Variants in INCENP observed in about 807,000 individuals in gnomAD.
INCENP encodes binds and activates aurora-B and -C in vivo and in vitro.
In INCENP, 43 loss-of-function variants were observed where a neutral mutation model predicts 107.3. The observed-to-expected ratio is 0.40, with a 90% CI of 0.31 to 0.52. The LOEUF (loss-of-function observed/expected upper bound fraction) is 0.52, where lower values mean the gene tolerates loss of function less well. Ranked by LOEUF, INCENP falls within the 20% of genes least tolerant of loss-of-function variation. INCENP has a pLI of 0.53. For synonymous variants in INCENP, 488 were observed against 494.4 expected (o/e 0.99, Z 0.17); for missense variants, 1,089 against 1,250.9 (o/e 0.87, Z 1.95).
intron 8 of INCENP, among the ~76,000 whole-genome samples, 186 bp downstream of exon 8, chr11:62,140,471 T>G (rs1565097366): frequency 6.6e-6 from 1 of 152,186 alleles, no homozygotes; most frequent in Non-Finnish European, 1.5e-5. Context: ...AACCTGGGAA[T>G]AGGGCGACCC....
intron 4 of INCENP, among the ~76,000 whole-genome samples, chr11:62,135,080 G>A (rs1420428920): frequency 6.6e-6 from 1 of 152,058 alleles, no homozygotes; most frequent in African/African-American, 2.4e-5. Flanking sequence ...AGAACATCTG[G>A]CCTCACATAG....
Position 62,148,818 on chromosome 11 carries a change from A to G in INCENP, c.2363A>G (p.Lys788Arg), listed in dbSNP as rs540011704. The G allele has an allele frequency of 2.5e-6, 4 of 1,607,686 alleles. No individual in the cohort carries two copies. In the South Asian group the frequency reaches 4.4e-5, roughly 18 times the overall value. ...KKAKEAAGASKALNVTVDVQS... is the reference protein window; with the variant it reads ...KKAKEAAGASRALNVTVDVQS... The stretch of plus-strand genomic sequence containing the variant: ...GCCAAGGAGGCAGCAGGGGCCAGCA[A>G]GGCCCTGAATGTGACTGTGGACGTG... Residue 788 changes from lysine to arginine, a missense_variant, in exon 17 of 19, where the codon AAG becomes AGG. Lys to Arg is a conservative substitution (Grantham distance 26). Transcript: ENST00000394818.
In INCENP at chr11:62,140,744, G is replaced by A. The variant is rs770503094; in HGVS notation, c.1384G>A (p.Glu462Lys). ...SYKQAVSELDEEQHLEDEELQ... is the reference protein window; with the variant it reads ...SYKQAVSELDKEQHLEDEELQ... ...CAAGCAGGCCGTGAGTGAGCTGGAC[G>A]AGGAGCAGCACCTGGAGGATGAGGA... Residue 462 changes from glutamate to lysine, a missense_variant, in exon 9 of 19, where the codon GAG becomes AAG. Glu to Lys is a moderately conservative substitution (Grantham distance 56, BLOSUM62 1). Coordinates refer to ENST00000394818, the MANE Select transcript of INCENP (RefSeq NM_001040694.2). The A allele has an allele frequency of 1.2e-5, 20 of 1,602,990 alleles. No homozygotes were observed. The highest frequency in any genetic ancestry group is 2.1e-4 in the Middle Eastern group (1 of 4,774).
intron 3 of INCENP, 150 bp downstream of exon 3, chr11:62,129,033 TGA>T (rs1943820274): frequency 6.4e-6 from 4 of 625,174 alleles, no homozygotes; most frequent in Non-Finnish European, 1.1e-5. Context: ...TGGGCCATGC[TGA>T]GAGGGGTTGG....
chr11:62,137,778 T>G, intron 4 of INCENP, 54 bp from the exon 5 acceptor site: 1 of 1,549,790 alleles, frequency 6.5e-7, no homozygotes, highest in Non-Finnish European at 8.9e-7. Flanking sequence ...CCCCTTAGAG[T>G]GGGACCTGTG....
rs1309786339 is a variant in INCENP at position 62,148,489 on chromosome 11, C to T, written c.2218C>T (p.Arg740Trp). The T allele has an allele frequency of 5.0e-6, 8 of 1,604,728 alleles. No individual in the cohort carries two copies. In the East Asian group the frequency reaches 6.7e-5, roughly 14 times the overall value. Reference protein sequence around the residue: ...RLQAERELQEREKALRLQKEQ... With the variant: ...RLQAERELQEWEKALRLQKEQ... ...CTGGGTCCTCAGGGAGCTGCAGGAG[C>T]GGGAGAAGGCCCTGCGGCTGCAGAA... The change falls in exon 16 of 19, where the codon CGG becomes TGG. Residue 740 changes from arginine (R) to tryptophan (W), a missense_variant. Transcript: ENST00000394818.
At chr11:62,145,848 G>C in intron 14 of INCENP, 97 bp downstream of exon 14, 2 of 1,368,668 alleles carry the variant, frequency 1.5e-6, no homozygotes, top group Non-Finnish European at 2.0e-6. Context: ...TTGTGGGGTT[G>C]ACCCAGACCA....
chr11:62,142,581 A>G (rs558447102), intron 11 of INCENP, among the ~76,000 whole-genome samples: 30 of 152,344 alleles, frequency 2.0e-4, no homozygotes, highest in African/African-American at 6.3e-4. Context: ...ACATTCTGCT[A>G]TGAGTCTCTG....
intron 18 of INCENP, among the ~76,000 whole-genome samples, chr11:62,150,564 C>T (rs1944352786): frequency 6.6e-6 from 1 of 152,210 alleles, no homozygotes; most frequent in African/African-American, 2.4e-5. Flanking sequence ...AAGTAAGCCA[C>T]CTGGGGCAGA....
In INCENP at chr11:62,148,865, T is replaced by A; in HGVS notation, c.2391+19T>A. 1 of 1,545,830 alleles carries A rather than the reference T, an allele frequency of 6.5e-7. No individual in the cohort carries two copies. On this transcript the variant is annotated intron_variant, in intron 17 of 18. Transcript: ENST00000394818. ...CGTGCAGGTGCCACCTGGGCCCCAG[T>A]GGAGAGGCTCTCAGGTGGAGGGGCC...
chr11:62,143,398 A>T (rs372509427), intron 11 of INCENP, among the ~76,000 whole-genome samples: 3 of 151,870 alleles, frequency 2.0e-5, no homozygotes, highest in African/African-American at 7.3e-5. Context: ...TGCCCCAGTG[A>T]CTCCTTTGGA....
chr11:62,137,910 G>T lies in INCENP; in HGVS notation c.1115+27G>T, dbSNP rs1057008965. The T allele has an allele frequency of 5.0e-6, 8 of 1,605,398 alleles. No homozygotes were observed. In the Middle Eastern group the frequency reaches 8.3e-4, roughly 166 times the overall value. ...TGAGTTCAGTTCCAGGGCTTCGGAG[G>T]TAGGCAGGGCATACCAGGACAGGGA... On this transcript the variant is annotated intron_variant, in intron 5 of 18. Transcript: ENST00000394818.
chr11:62,146,592 A>G (rs1590626898), intron 14 of INCENP, 66 bp from the exon 15 acceptor site: 1 of 1,539,052 alleles, frequency 6.5e-7, no homozygotes. Context: ...TCGGGGGAGT[A>G]GGGCTGCTGT....
intron 1 of INCENP, among the ~76,000 whole-genome samples, chr11:62,126,569 A>C: frequency 6.6e-6 from 1 of 152,178 alleles, no homozygotes; most frequent in East Asian, 1.9e-4. Context: ...GTTTGTTGTT[A>C]TGGCTTATGA....
intron 11 of INCENP, among the ~76,000 whole-genome samples, chr11:62,143,035 A>T (rs12786966): frequency 1.7e-5 from 1 of 57,992 alleles, no homozygotes; most frequent in Non-Finnish European, 3.6e-5. Flanking sequence ...CAGGGAAAGA[A>T]CAACACATAG....
chr11:62,132,522 G>A (rs948360333), intron 4 of INCENP, among the ~76,000 whole-genome samples: 1 of 152,228 alleles, frequency 6.6e-6, no homozygotes, highest in South Asian at 2.1e-4. Context: ...GGATCTAAAT[G>A]GTTCTGATCT....
intron 4 of INCENP, 72 bp from the exon 5 acceptor site, chr11:62,137,760 C>A (rs768523567): frequency 1.4e-6 from 2 of 1,424,986 alleles, no homozygotes; most frequent in African/African-American, 1.4e-5. Context: ...GGAACCCGGT[C>A]CCCTGGACCC....
intron 17 of INCENP, 46 bp downstream of exon 17, chr11:62,148,892 A>G (rs1944314606): frequency 7.9e-7 from 1 of 1,270,202 alleles, no homozygotes; most frequent in Non-Finnish European, 1.1e-6. Context: ...GGAGGGGCCC[A>G]CTCTATTCTC....
rs1357108257 is a variant in INCENP at position 62,130,168 on chromosome 11, C to T, written c.641C>T (p.Ser214Leu). Reference sequence around the variant, plus strand: ...CCAACCTCCCAGGGCATCCCGACATCAGATGAGGAATCAACACCTAAGAAG... The same window carrying T: ...CCAACCTCCCAGGGCATCCCGACATTAGATGAGGAATCAACACCTAAGAAG... ...TAPTSQGIPT[S>L]DEESTPKKSK... The change falls in exon 4 of 19, where the codon TCA becomes TTA. Residue 214 changes from serine to leucine, a missense_variant. By Grantham distance (145) the Ser-to-Leu change is moderately radical. Transcript: ENST00000394818. 6.2e-7 allele frequency: 1 copy of T among 1,613,896 alleles called. No individual in the cohort carries two copies. Among genetic ancestry groups the T allele is most frequent in the Non-Finnish European group, 8.5e-7 (1 of 1,180,046 alleles).
Sources: allele counts gnomAD v4.1 joint callset (sites outside exome capture counted in the v4.1 genomes callset), GRCh38; gene constraint gnomAD v4.1.1; transcripts MANE v1.5; gene names NCBI Gene and HGNC (gene_info 2026-07-23, HGNC 2026-07-21).